PTPRT: variants seen among roughly 807,000 people sequenced by gnomAD.
PTPRT encodes receptor-type tyrosine-protein phosphatase T.
Under a neutral mutation model 176.8 loss-of-function variants are expected in PTPRT, and 56 were observed. That is an observed-to-expected ratio of 0.32 (90% CI 0.26 to 0.40). The LOEUF is 0.40. Among genes scored for constraint, PTPRT ranks in the 10% least tolerant of loss-of-function variants. The probability of loss-of-function intolerance (pLI) is 1.00; values close to 1 mark genes in which losing one functional copy is unlikely to be tolerated. For missense variants in PTPRT, 1,540 were observed against 1,908.2 expected (o/e 0.81, Z 3.60); for synonymous variants, 783 against 739.0 (o/e 1.06, Z -0.96).
chr20:42,352,658 C>A (rs2058302281), intron 9 of PTPRT, among the ~76,000 whole-genome samples: 3 of 152,114 alleles, frequency 2.0e-5, no homozygotes, highest in Admixed American at 1.3e-4. Context: ...TTTGCTAGCA[C>A]AACAGGCGGT....
intron 15 of PTPRT, among the ~76,000 whole-genome samples, chr20:42,222,920 G>A (rs947120797): frequency 6.6e-6 from 1 of 152,136 alleles, no homozygotes; most frequent in African/African-American, 2.4e-5. Context: ...TGGGGAATGG[G>A]GAACAGTCAT....
chr20:43,058,231 A>T (rs546660171), intron 1 of PTPRT, among the ~76,000 whole-genome samples: 12 of 152,302 alleles, frequency 7.9e-5, no homozygotes, highest in African/African-American at 2.9e-4. Context: ...GGAGGAAAAA[A>T]AGAGCAGACA....
intron 1 of PTPRT, among the ~76,000 whole-genome samples, chr20:43,014,517 G>A (rs1985284299): frequency 6.6e-6 from 1 of 152,186 alleles, no homozygotes; most frequent in Non-Finnish European, 1.5e-5. Context: ...AGAGACCACA[G>A]CCATATATCC....
At chr20:42,687,244 T>A (rs565703770) in intron 6 of PTPRT, 1 of 152,210 alleles carries the variant, frequency 6.6e-6, no homozygotes, top group South Asian at 2.1e-4. Context: ...TGTGTCAGGA[T>A]CAAGACAGTC....
intron 15 of PTPRT, among the ~76,000 whole-genome samples, chr20:42,219,936 G>A (rs572646564): frequency 1.3e-5 from 2 of 152,240 alleles, no homozygotes; most frequent in Admixed American, 6.5e-5. Context: ...CTAAGCACCT[G>A]GCCTGGGTCA....
At chr20:43,177,103 A>AT (rs2015140808) in intron 1 of PTPRT, among the ~76,000 whole-genome samples, 1 of 152,226 alleles carries the variant, frequency 6.6e-6, no homozygotes, top group Admixed American at 6.5e-5. Context: ...CAATGACGCC[A>AT]TTGGTGTCAG....
chr20:43,061,234 C>T (rs1024288076), intron 1 of PTPRT, among the ~76,000 whole-genome samples: 15 of 152,132 alleles, frequency 9.9e-5, no homozygotes, highest in African/African-American at 1.7e-4. Context: ...TCACTACTCT[C>T]GCTCCTCCAG....
At chr20:42,617,690 T>C (rs1191399660) in intron 7 of PTPRT, among the ~76,000 whole-genome samples, 1 of 139,460 alleles carries the variant, frequency 7.2e-6, no homozygotes, top group Non-Finnish European at 1.5e-5. Context: ...GTTGAGGAGT[T>C]TATCCATTTC....
chr20:42,555,963 G>A (rs1307440755), intron 7 of PTPRT, among the ~76,000 whole-genome samples: 13 of 152,054 alleles, frequency 8.5e-5, no homozygotes, highest in South Asian at 2.1e-4. Flanking sequence ...CCATAAAGCC[G>A]ATTAATATAA....
intron 7 of PTPRT, among the ~76,000 whole-genome samples, chr20:42,573,729 G>A (rs1052875380): frequency 4.0e-5 from 6 of 148,592 alleles, no homozygotes; most frequent in African/African-American, 1.5e-4. Flanking sequence ...AAAATGGCAA[G>A]ACGGACCCTT....
Position 42,729,146 on chromosome 20 carries a change from A to G in PTPRT, c.859+27316T>C, listed in dbSNP as rs564224379. The stretch of plus-strand genomic sequence containing the variant: ...CTCCAGAAGCTGTAGGTTGACACTG[A>G]AAGAAGGCTCTGGAACCAGGCAAAA... On this transcript the variant is annotated intron_variant, in intron 6 of 30. Coordinates refer to ENST00000373187, the MANE Select transcript of PTPRT (RefSeq NM_007050.6). Among the ~76,000 whole-genome samples the G allele has an allele frequency of 2.0e-5, 3 of 152,298 alleles. No individual in the cohort carries two copies. The South Asian group carries it at 6.2e-4, about 32-fold the overall frequency.
At chr20:42,346,981 C>A (rs770018998) in intron 11 of PTPRT, among the ~76,000 whole-genome samples, 7 of 152,158 alleles carry the variant, frequency 4.6e-5, no homozygotes, top group Non-Finnish European at 8.8e-5. Flanking sequence ...CACAAAAGGG[C>A]CACCCGGTCA....
chr20:43,037,682 G>A (rs376714154), intron 1 of PTPRT, among the ~76,000 whole-genome samples: 11 of 152,188 alleles, frequency 7.2e-5, no homozygotes, highest in African/African-American at 2.6e-4. Flanking sequence ...AAGTCATCTG[G>A]TGGCAATGGC....
At chr20:43,123,581 G>A (rs79542915) in intron 1 of PTPRT, among the ~76,000 whole-genome samples, 5,093 of 152,314 alleles carry the variant, frequency 0.033, 123 homozygotes, top group Non-Finnish European at 0.053. Context: ...CTGAATGGTA[G>A]ATGAGAAAAC....
intron 6 of PTPRT, among the ~76,000 whole-genome samples, chr20:42,696,709 C>T (rs1306244867): frequency 6.6e-6 from 1 of 152,062 alleles, no homozygotes; most frequent in Non-Finnish European, 1.5e-5. Flanking sequence ...CCTGCTTTGG[C>T]CTTCCGAAGT....
At chr20:42,046,370 A>G in the PTPRT span, among the ~76,000 whole-genome samples, 3 of 152,234 alleles carry the variant, frequency 2.0e-5, no homozygotes, top group Non-Finnish European at 4.4e-5. Flanking sequence ...GGAAAAATCA[A>G]TGCTTATCTC....
intron 13 of PTPRT, among the ~76,000 whole-genome samples, chr20:42,269,243 A>G (rs1347310279): frequency 6.6e-6 from 1 of 152,164 alleles, no homozygotes; most frequent in Non-Finnish European, 1.5e-5. Context: ...AGGGAACTCA[A>G]CCTAAGACAT....
intron 1 of PTPRT, among the ~76,000 whole-genome samples, chr20:42,964,238 G>C (rs1490367357): frequency 6.6e-6 from 1 of 152,144 alleles, no homozygotes; most frequent in African/African-American, 2.4e-5. Context: ...AAAATCAAGT[G>C]TATCGAAATA....
At chr20:42,180,296 T>C (rs1196157817) in intron 16 of PTPRT, among the ~76,000 whole-genome samples, 3 of 152,116 alleles carry the variant, frequency 2.0e-5, no homozygotes, top group Non-Finnish European at 4.4e-5. Flanking sequence ...ATCAGGCACA[T>C]GCTTGCCTTG....
Sources: gnomAD v4.1 joint callset for allele counts (sites outside exome capture counted in the v4.1 genomes callset) on GRCh38, gnomAD v4.1.1 for gene constraint, MANE v1.5 for transcripts, NCBI Gene and HGNC (gene_info 2026-07-23, HGNC 2026-07-21) for gene names.